HTR1F: variants seen among roughly 807,000 people sequenced by gnomAD.
HTR1F encodes 5-hydroxytryptamine receptor 1F.
HTR1F carries 17 observed loss-of-function variants against 24.0 expected under a neutral mutation model. That is an observed-to-expected ratio of 0.71 (90% CI 0.48 to 1.06). The LOEUF (loss-of-function observed/expected upper bound fraction) is 1.06, where lower values mean the gene tolerates loss of function less well. HTR1F is among the 50% of genes least tolerant of loss of function. The probability of loss-of-function intolerance (pLI) is 0.00; values close to 1 mark genes in which losing one functional copy is unlikely to be tolerated. For synonymous variants in HTR1F, 186 were observed against 156.8 expected (o/e 1.19, Z -1.39); for missense variants, 391 against 427.8 (o/e 0.91, Z 0.76).
intron 2 of HTR1F, among the ~76,000 whole-genome samples, chr3:87,839,012 A>T (rs2932304): frequency 0.25 from 36,073 of 142,940 alleles, 6,763 homozygotes; most frequent in African/African-American, 0.56. Flanking sequence ...TATTTATTTT[A>T]TTTTTATTTT....
intron 2 of HTR1F, among the ~76,000 whole-genome samples, chr3:87,897,727 C>A (rs1327110028): frequency 1.3e-5 from 2 of 152,040 alleles, no homozygotes; most frequent in Non-Finnish European, 2.9e-5. Flanking sequence ...CCAGAAGCAA[C>A]CATTTTGTTT....
intron 2 of HTR1F, among the ~76,000 whole-genome samples, chr3:87,848,778 T>G (rs912592767): frequency 1.3e-5 from 2 of 151,576 alleles, no homozygotes; most frequent in Non-Finnish European, 1.5e-5. Context: ...ACAAAACCAA[T>G]GTGCAAAAAT....
At chr3:87,944,044 C>T (rs1207063038) in intron 2 of HTR1F, among the ~76,000 whole-genome samples, 1 of 152,154 alleles carries the variant, frequency 6.6e-6, no homozygotes, top group African/African-American at 2.4e-5. Context: ...GCGTAACCAC[C>T]CATGGACCTC....
chr3:87,866,815 C>CGTGT (rs370665620), intron 2 of HTR1F, among the ~76,000 whole-genome samples: 1,111 of 99,104 alleles, frequency 0.011, 19 homozygotes, highest in East Asian at 0.052. Context: ...CACAAGTGTG[C>CGTGT]GTGCGTGTGT....
intron 2 of HTR1F, among the ~76,000 whole-genome samples, chr3:87,886,471 G>A (rs1336196406): frequency 6.6e-6 from 1 of 152,142 alleles, no homozygotes; most frequent in African/African-American, 2.4e-5. Flanking sequence ...ATGCAACATA[G>A]TGTTGGAAGT....
intron 2 of HTR1F, among the ~76,000 whole-genome samples, chr3:87,856,987 C>T (rs1705212127): frequency 6.6e-6 from 1 of 152,132 alleles, no homozygotes; most frequent in African/African-American, 2.4e-5. Context: ...AGAGTTACAG[C>T]TTATGTTATC....
chr3:87,798,087 T>C (rs574950106), intron 1 of HTR1F, among the ~76,000 whole-genome samples: 4 of 152,178 alleles, frequency 2.6e-5, no homozygotes, highest in Non-Finnish European at 5.9e-5. Flanking sequence ...GATGGCATCA[T>C]AAAGTCTCAG....
intron 2 of HTR1F, among the ~76,000 whole-genome samples, chr3:87,879,314 A>G (rs1705736019): frequency 6.6e-6 from 1 of 152,216 alleles, no homozygotes; most frequent in African/African-American, 2.4e-5. Context: ...ATCATATTTT[A>G]ACTTCTTATT....
At chr3:87,975,049 CAT>C (rs1705364894) in intron 2 of HTR1F, among the ~76,000 whole-genome samples, 1 of 152,076 alleles carries the variant, frequency 6.6e-6, no homozygotes, top group Non-Finnish European at 1.5e-5. Flanking sequence ...TTATCTAAAA[CAT>C]ATGAATTTTA....
intron 2 of HTR1F, among the ~76,000 whole-genome samples, chr3:87,890,232 T>G (rs139121800): frequency 1.3e-5 from 2 of 152,336 alleles, no homozygotes; most frequent in African/African-American, 4.8e-5. Flanking sequence ...TGATATTCAG[T>G]GCATTAACAC....
chr3:87,838,249 A>G (rs2107170595), intron 2 of HTR1F, among the ~76,000 whole-genome samples: 1 of 152,270 alleles, frequency 6.6e-6, no homozygotes, highest in Non-Finnish European at 1.5e-5. Context: ...TACCACTCCT[A>G]CAATGTTCTA....
intron 2 of HTR1F, among the ~76,000 whole-genome samples, chr3:87,979,405 A>T (rs931413557): frequency 4.6e-5 from 7 of 152,122 alleles, no homozygotes; most frequent in African/African-American, 1.7e-4. Flanking sequence ...CTGTGTCCTA[A>T]GTCCGGCAGC....
chr3:87,845,234 G>C (rs1188819565), intron 2 of HTR1F, among the ~76,000 whole-genome samples: 5 of 151,688 alleles, frequency 3.3e-5, no homozygotes, highest in African/African-American at 1.2e-4. Context: ...TCTGGCCAGA[G>C]CAATTAGGCA....
chr3:87,811,072 T>G (rs1358823760), intron 1 of HTR1F, among the ~76,000 whole-genome samples: 1 of 152,232 alleles, frequency 6.6e-6, no homozygotes, highest in African/African-American at 2.4e-5. Flanking sequence ...ACTTTATTAA[T>G]TTGTTTCTTC....
At chr3:87,832,583 C>G (rs1704605131) in intron 2 of HTR1F, among the ~76,000 whole-genome samples, 1 of 152,172 alleles carries the variant, frequency 6.6e-6, no homozygotes, top group South Asian at 2.1e-4. Flanking sequence ...CCACCTCAGC[C>G]TCCCAAAGTG....
At chr3:87,822,279 A>G (rs373603886) in intron 2 of HTR1F, among the ~76,000 whole-genome samples, 155 bp downstream of exon 2, 1 of 152,212 alleles carries the variant, frequency 6.6e-6, no homozygotes, top group African/African-American at 2.4e-5. Context: ...GCCACTGATC[A>G]TTGGTTCACT....
At chr3:87,965,500 C>G (rs1266868758) in intron 2 of HTR1F, among the ~76,000 whole-genome samples, 1 of 152,004 alleles carries the variant, frequency 6.6e-6, no homozygotes, top group Non-Finnish European at 1.5e-5. Context: ...TGGACTAAAG[C>G]AAGATTTGAA....
intron 2 of HTR1F, among the ~76,000 whole-genome samples, chr3:87,911,513 A>C (rs1028400004): frequency 1.3e-5 from 2 of 152,092 alleles, no homozygotes; most frequent in African/African-American, 4.8e-5. Flanking sequence ...GCAGAACTGC[A>C]CCAGCTGTAC....
At chr3:87,913,880 G>C (rs1229336524) in intron 2 of HTR1F, among the ~76,000 whole-genome samples, 1 of 152,116 alleles carries the variant, frequency 6.6e-6, no homozygotes, top group Non-Finnish European at 1.5e-5. Flanking sequence ...GGCAGGACTA[G>C]ATTGCAGCTC....
Sources: gnomAD v4.1 joint callset for allele counts (sites outside exome capture counted in the v4.1 genomes callset) on GRCh38, gnomAD v4.1.1 for gene constraint, MANE v1.5 for transcripts, NCBI Gene and HGNC (gene_info 2026-07-23, HGNC 2026-07-21) for gene names.